The following TBC1D32 variants were observed in gnomAD, a reference collection of about 807,000 sequenced individuals.
TBC1D32 encodes TBC1 domain family member 32.
In TBC1D32, 151 loss-of-function variants were observed where a neutral mutation model predicts 170.3. The observed-to-expected ratio is 0.89, with a 90% CI of 0.78 to 1.01. The LOEUF is 1.01. TBC1D32 is among the 50% of genes least tolerant of loss of function. The pLI is 0.00. For missense variants in TBC1D32, 1,464 were observed against 1,457.1 expected (o/e 1.00, Z -0.08); for synonymous variants, 498 against 488.0 (o/e 1.02, Z -0.27).
chr6:121,323,832 C>T (rs537607297), intron 1 of TBC1D32, among the ~76,000 whole-genome samples: 34 of 152,120 alleles, frequency 2.2e-4, no homozygotes, highest in African/African-American at 6.7e-4. Flanking sequence ...CCCAGTTACT[C>T]GGGAGGCTGA....
chr6:121,213,524 T>TAAAATAAAATTAAATAAAATAAAATA, intron 21 of TBC1D32, among the ~76,000 whole-genome samples: 1 of 31,246 alleles, frequency 3.2e-5, no homozygotes, highest in South Asian at 1.3e-3. Flanking sequence ...TAAAATAAAA[T>TAAAATAAAATTAAATAAAATAAAATA]AAATAAAATA....
chr6:121,241,578 A>G, intron 18 of TBC1D32, 26 bp from the exon 19 acceptor site: 3 of 1,586,898 alleles, frequency 1.9e-6, no homozygotes, highest in South Asian at 1.1e-5. Context: ...AGGAACAGCA[A>G]TGAAAAGCAA....
chr6:121,216,109 A>T (rs1793789882), intron 21 of TBC1D32, among the ~76,000 whole-genome samples: 1 of 152,254 alleles, frequency 6.6e-6, no homozygotes, highest in African/African-American at 2.4e-5. Flanking sequence ...CATTTGAGTC[A>T]GTGGGCTGGG....
At chr6:121,267,078 TAA>T (rs60556893) in intron 15 of TBC1D32, among the ~76,000 whole-genome samples, 5,541 of 87,346 alleles carry the variant, frequency 0.063, 226 homozygotes, top group Admixed American at 0.16. Flanking sequence ...AAAGTAAAAT[TAA>T]AAAAAAAAAA....
At chr6:121,216,932 C>G (rs1329348985) in intron 21 of TBC1D32, among the ~76,000 whole-genome samples, 2 of 152,124 alleles carry the variant, frequency 1.3e-5, no homozygotes, top group African/African-American at 2.4e-5. Context: ...AAAATAGAAG[C>G]CATTACAGCT....
In TBC1D32 at chr6:121,115,098, T is replaced by C. The variant is rs1050221709; in HGVS notation, c.3053+74A>G. ...CAAAATAGTTGGTTGTTAAATTAAA[T>C]ACTACTGAGCACATATGAGGCAGAT... is the stretch of plus-strand genomic sequence containing the variant. On this transcript the variant is annotated intron_variant, in intron 27 of 31. Transcript: ENST00000398212. The C allele has an allele frequency of 3.7e-6, 4 of 1,076,248 alleles. No homozygotes were observed. In the East Asian group the frequency reaches 8.1e-5, roughly 22 times the overall value. The allele number at this position is 1,076,248 out of a possible 1,614,324, so 66.7% of individuals were successfully genotyped here.
intron 22 of TBC1D32, among the ~76,000 whole-genome samples, chr6:121,175,029 A>AG (rs1461489488): frequency 6.6e-6 from 1 of 151,636 alleles, no homozygotes; most frequent in Non-Finnish European, 1.5e-5. Context: ...TTGTCAAAAA[A>AG]AAAAAAAAAC....
intron 30 of TBC1D32, chr6:121,096,338 T>C (rs1777404194): frequency 6.6e-6 from 1 of 152,072 alleles, no homozygotes; most frequent in African/African-American, 2.4e-5. Context: ...GATAAGCAAC[T>C]TCAGCAAAGT....
chr6:121,154,961 C>T (rs1392363021), intron 24 of TBC1D32, among the ~76,000 whole-genome samples: 1 of 152,080 alleles, frequency 6.6e-6, no homozygotes, highest in African/African-American at 2.4e-5. Flanking sequence ...GTTGTTTTTA[C>T]TTAGTATTGC....
At chr6:121,243,148 A>G (rs969192181) in intron 17 of TBC1D32, among the ~76,000 whole-genome samples, 9 of 152,080 alleles carry the variant, frequency 5.9e-5, no homozygotes, top group African/African-American at 1.9e-4. Context: ...GGAAAGAAGC[A>G]AAGAAAATAT....
intron 17 of TBC1D32, among the ~76,000 whole-genome samples, chr6:121,242,610 G>A (rs1797121388): frequency 6.6e-6 from 1 of 151,790 alleles, no homozygotes; most frequent in South Asian, 2.1e-4. Context: ...TTATACCCAG[G>A]TTCTCTCATC....
At chr6:121,230,393 G>A (rs188503617) in intron 20 of TBC1D32, among the ~76,000 whole-genome samples, 4 of 151,970 alleles carry the variant, frequency 2.6e-5, no homozygotes, top group African/African-American at 9.7e-5. Context: ...CATGCTAAAG[G>A]TTATTGGTAA....
chr6:121,144,646 C>T (rs946843300), intron 24 of TBC1D32, among the ~76,000 whole-genome samples: 5 of 151,860 alleles, frequency 3.3e-5, no homozygotes, highest in African/African-American at 1.2e-4. Context: ...ATTCAACTTA[C>T]TAGGAGAAAT....
chr6:121,321,652 T>C lies in TBC1D32; in HGVS notation c.298A>G (p.Arg100Gly). Residue 100 changes from arginine (R) to glycine (G), a missense_variant, in exon 2 of 32, where the codon AGA (arginine) becomes GGA (glycine). Physicochemically the swap from Arg to Gly is moderately radical, Grantham distance 125. Coordinates refer to ENST00000398212, the MANE Select transcript of TBC1D32 (RefSeq NM_152730.6). ...ACTCACTCTTTAGATTCTTGAGTTC[T>C]TTTAGTGACCTGCTGTACAACTGTA... ...YDTVVQQVTK[R>G]TQESKEYKEM... 6.2e-7 allele frequency: 1 copy of C among 1,613,044 alleles called. No homozygotes were observed. The highest frequency in any genetic ancestry group is 8.5e-7 in the Non-Finnish European group (1 of 1,179,648).
chr6:121,319,499 T>C (rs1486520687), intron 2 of TBC1D32, among the ~76,000 whole-genome samples: 1 of 152,156 alleles, frequency 6.6e-6, no homozygotes, highest in Non-Finnish European at 1.5e-5. Context: ...AGGACTAAAC[T>C]ACACTCCCCA....
chr6:121,142,665 T>C (rs1782938261), intron 24 of TBC1D32, among the ~76,000 whole-genome samples: 1 of 152,204 alleles, frequency 6.6e-6, no homozygotes, highest in Admixed American at 6.5e-5. Flanking sequence ...GAGTATGCTA[T>C]CTAATTCCTC....
At chr6:121,130,934 T>C (rs536071777) in intron 25 of TBC1D32, among the ~76,000 whole-genome samples, 2 of 152,218 alleles carry the variant, frequency 1.3e-5, no homozygotes, top group East Asian at 1.9e-4. Flanking sequence ...GCCATAAATA[T>C]ATAACATTAT....
intron 21 of TBC1D32, among the ~76,000 whole-genome samples, chr6:121,222,916 A>G (rs1794679465): frequency 6.6e-6 from 1 of 152,212 alleles, no homozygotes; most frequent in Non-Finnish European, 1.5e-5. Context: ...CCAATGAAGC[A>G]GCATCACTGG....
At chr6:121,128,456 C>A (rs904180470) in intron 25 of TBC1D32, among the ~76,000 whole-genome samples, 1 of 151,998 alleles carries the variant, frequency 6.6e-6, no homozygotes, top group South Asian at 2.1e-4. Context: ...TCCATTAACA[C>A]AAGGAAATTA....
Sources: gnomAD v4.1 joint callset for allele counts (sites outside exome capture counted in the v4.1 genomes callset) on GRCh38, gnomAD v4.1.1 for gene constraint, MANE v1.5 for transcripts, NCBI Gene and HGNC (gene_info 2026-07-23, HGNC 2026-07-21) for gene names.